Variants in ASB5 observed in about 807,000 individuals in gnomAD.
The protein encoded by ASB5 is ankyrin repeat and SOCS box containing 5.
In ASB5, 45 loss-of-function variants were observed where a neutral mutation model predicts 42.1. That is an observed-to-expected ratio of 1.07 (90% CI 0.84 to 1.37). The LOEUF is 1.37. Among genes scored for constraint, ASB5 ranks in the 40% most tolerant of loss-of-function variants. The pLI is 0.00. For synonymous variants in ASB5, 147 were observed against 150.6 expected (o/e 0.98, Z 0.18); for missense variants, 402 against 399.8 (o/e 1.01, Z -0.05).
chr4:176,237,534 A>G, intron 1 of ASB5: 1 of 985,672 alleles, frequency 1.0e-6, no homozygotes, highest in Non-Finnish European at 1.2e-6. Flanking sequence ...TCAGACTTTC[A>G]CAAAGGTTCC....
intron 3 of ASB5, among the ~76,000 whole-genome samples, chr4:176,221,972 T>C (rs1365505927): frequency 6.6e-6 from 1 of 152,134 alleles, no homozygotes; most frequent in African/African-American, 2.4e-5. Flanking sequence ...AGTGGTAAAA[T>C]TGGTAGTTCT....
intron 1 of ASB5, among the ~76,000 whole-genome samples, chr4:176,229,519 A>T (rs1464323648): frequency 6.6e-6 from 1 of 152,198 alleles, no homozygotes; most frequent in East Asian, 1.9e-4. Flanking sequence ...AGAGAAGGAC[A>T]GGATTATTTA....
chr4:176,215,483 C>T lies in ASB5; in HGVS notation c.*117G>A. On this transcript the variant is annotated 3_prime_UTR_variant, in exon 7 of 7. Transcript: ENST00000296525. Reference sequence around the variant, plus strand: ...TGAAAATTGATATTTTACTGCTTCCCTGGGTGATCTCACACTCACTTTTAT... The same window carrying T: ...TGAAAATTGATATTTTACTGCTTCCTTGGGTGATCTCACACTCACTTTTAT... 2.9e-6 allele frequency: 3 copies of T among 1,050,224 alleles called. No homozygotes were observed. The South Asian group carries it at 5.5e-5, about 19-fold the overall frequency. 65.1% of individuals were successfully genotyped at this position (1,050,224 alleles called of 1,614,324 possible).
At chr4:176,239,203 G>C (rs1472258711) in intron 1 of ASB5, among the ~76,000 whole-genome samples, 1 of 152,080 alleles carries the variant, frequency 6.6e-6, no homozygotes, top group Non-Finnish European at 1.5e-5. Flanking sequence ...TTCACCACTG[G>C]CTCTTTGTCG....
chr4:176,245,148 T>A (rs1162184781), intron 1 of ASB5, among the ~76,000 whole-genome samples: 1 of 152,076 alleles, frequency 6.6e-6, no homozygotes, highest in Non-Finnish European at 1.5e-5. Context: ...ATCCCCCATA[T>A]TGACAAAGGG....
chr4:176,231,157 C>T (rs1364420783), intron 1 of ASB5, among the ~76,000 whole-genome samples: 2 of 152,162 alleles, frequency 1.3e-5, no homozygotes, highest in East Asian at 1.9e-4. Flanking sequence ...AGGTTTGATA[C>T]CATACCTAAA....
intron 1 of ASB5, among the ~76,000 whole-genome samples, chr4:176,267,413 C>T (rs1015736861): frequency 6.6e-6 from 1 of 152,032 alleles, no homozygotes; most frequent in Non-Finnish European, 1.5e-5. Flanking sequence ...TCCCTTGAGC[C>T]CAGGAGTTTG....
intron 1 of ASB5, among the ~76,000 whole-genome samples, chr4:176,227,008 C>T (rs1753398849): frequency 2.0e-5 from 3 of 152,246 alleles, no homozygotes; most frequent in Admixed American, 2.0e-4. Flanking sequence ...TAAGGAAAGA[C>T]TTCCAAGACA....
chr4:176,222,937 C>T (rs1049458575), intron 2 of ASB5, among the ~76,000 whole-genome samples: 2 of 110,792 alleles, frequency 1.8e-5, no homozygotes, highest in Non-Finnish European at 3.9e-5. Flanking sequence ...ACCACAAGGC[C>T]GGGCTAATTT....
chr4:176,229,599 C>A (rs566941994), intron 1 of ASB5, among the ~76,000 whole-genome samples: 9 of 152,080 alleles, frequency 5.9e-5, no homozygotes, highest in Non-Finnish European at 1.2e-4. Context: ...TGTTTCCCCC[C>A]AGGCTGTCGC....
At chr4:176,249,826 G>A (rs532824806) in intron 1 of ASB5, among the ~76,000 whole-genome samples, 66 of 152,216 alleles carry the variant, frequency 4.3e-4, no homozygotes, top group African/African-American at 1.4e-3. Flanking sequence ...CGCACTTTGG[G>A]AGGCCGAGGC....
chr4:176,246,166 A>G (rs1284219611), intron 1 of ASB5, among the ~76,000 whole-genome samples: 1 of 152,182 alleles, frequency 6.6e-6, no homozygotes, highest in Non-Finnish European at 1.5e-5. Flanking sequence ...AAATATCAGA[A>G]TTGGAAGAAG....
At chr4:176,222,774 G>GTTTTGT (rs1052153879) in intron 2 of ASB5, among the ~76,000 whole-genome samples, 1 of 151,998 alleles carries the variant, frequency 6.6e-6, no homozygotes, top group African/African-American at 2.4e-5. Context: ...AAGACTTGTT[G>GTTTTGT]TTTTGTTTTT....
chr4:176,257,555 A>G (rs956642346), intron 1 of ASB5, among the ~76,000 whole-genome samples: 3 of 152,186 alleles, frequency 2.0e-5, no homozygotes, highest in Non-Finnish European at 4.4e-5. Context: ...TTTCCTTTGT[A>G]TCAGAGGGAG....
intron 1 of ASB5, chr4:176,237,423 G>A: frequency 1.0e-6 from 1 of 985,876 alleles, no homozygotes; most frequent in South Asian, 4.7e-5. Context: ...GACATAGTTT[G>A]GTTGACGTTT....
chr4:176,254,295 A>G (rs1754105344), intron 1 of ASB5, among the ~76,000 whole-genome samples: 1 of 152,222 alleles, frequency 6.6e-6, no homozygotes, highest in Non-Finnish European at 1.5e-5. Context: ...CAAAGTTGAC[A>G]AAAATAACAG....
rs573203302 is a variant in ASB5 at position 176,215,850 on chromosome 4, A to G, written c.863-123T>C. ...GTAGTAAACCTAGGATAGCATGACC[A>G]CTATACTAGGGAAATTTATGTAAGC... On this transcript the variant is annotated intron_variant, in intron 6 of 6. Coordinates refer to ENST00000296525, the MANE Select transcript of ASB5 (RefSeq NM_080874.4). 31 of 826,330 alleles carry G rather than the reference A, an allele frequency of 3.8e-5. No homozygotes were observed. In the African/African-American group the frequency reaches 5.1e-4, roughly 14 times the overall value. 51.2% of individuals were successfully genotyped at this position (826,330 alleles called of 1,614,324 possible). A position where few individuals can be genotyped will look rare whatever the true frequency, so the allele number is the denominator to read the frequency against.
chr4:176,222,454 G>C (rs757434991), intron 2 of ASB5, 34 bp from the exon 3 acceptor site: 209 of 1,530,022 alleles, frequency 1.4e-4, no homozygotes, highest in Non-Finnish European at 1.9e-4. Flanking sequence ...GGTGAGCAAA[G>C]AGTTATATAC....
At chr4:176,266,530 A>T (rs1476597468) in intron 1 of ASB5, among the ~76,000 whole-genome samples, 1 of 152,124 alleles carries the variant, frequency 6.6e-6, no homozygotes, top group African/African-American at 2.4e-5. Context: ...GAAAGTAATA[A>T]TTTTCCTGGG....
Sources: gnomAD v4.1 joint callset for allele counts (sites outside exome capture counted in the v4.1 genomes callset) on GRCh38, gnomAD v4.1.1 for gene constraint, MANE v1.5 for transcripts, NCBI Gene and HGNC (gene_info 2026-07-23, HGNC 2026-07-21) for gene names.